Variants in HIVEP3 observed in about 807,000 individuals in gnomAD.
HIVEP3 encodes HIVEP zinc finger 3.
A neutral mutation model predicts 152.8 loss-of-function variants in HIVEP3; 49 were observed. The observed-to-expected ratio is 0.32, with a 90% CI of 0.26 to 0.41. HIVEP3 has a LOEUF of 0.41. Ranked by LOEUF, HIVEP3 falls within the 10% of genes least tolerant of loss-of-function variation. The pLI is 1.00. For synonymous variants in HIVEP3, 1,269 were observed against 1,289.0 expected, an observed-to-expected ratio of 0.98 and a Z score of 0.33; for missense variants, 2,790 against 3,103.3, an observed-to-expected ratio of 0.90 and a Z score of 2.40.
chr1:41,801,940 G>A (rs1025075595), intron 1 of HIVEP3, among the ~76,000 whole-genome samples: 1 of 152,126 alleles, frequency 6.6e-6, no homozygotes, highest in African/African-American at 2.4e-5. Context: ...GGAGTGGGGG[G>A]CAGGGGAGAG....
Position 41,583,358 on chromosome 1 carries a change from C to A in HIVEP3, c.1440G>T (p.Glu480Asp). The A allele has an allele frequency of 6.2e-7, 1 of 1,612,454 alleles. No homozygotes were observed. The highest frequency in any genetic ancestry group is 8.5e-7 in the Non-Finnish European group (1 of 1,179,056). ...TINEAVVDTS[E>D]IDSVKPRRSS... is the part of the protein sequence containing the mutation. ...TCCGCCTTGGCTTCACGCTGTCGAT[C>A]TCGCTGGTGTCCACCACGGCCTCGT... is the stretch of plus-strand genomic sequence containing the variant. Residue 480 changes from glutamate (E) to aspartate (D), a missense_variant, in exon 4 of 9, where the codon GAG (glutamate) becomes GAT (aspartate). Physicochemically the swap from Glu to Asp is conservative, Grantham distance 45. Around this residue, in one of 9 missense-constraint regions of HIVEP3, gnomAD observed 134 missense variants for 242.5 expected, o/e 0.55. Transcript: ENST00000372583. The surrounding 1 kb of genome is among the most constrained non-coding windows in gnomAD (Gnocchi z 6.9).
rs140724263 is a variant in HIVEP3, at chr1:41,670,069, C to T, written c.-721+30847G>A. On this transcript the variant is annotated intron_variant, in intron 2 of 8. Transcript: ENST00000372583. ...CTGGGAGGGCCTCTTTGCAGATGGG[C>T]AGAAGCCGTCAGTCCTCTGTGGACT... 1.5e-3 allele frequency among the ~76,000 whole-genome samples: 225 copies of T among 152,318 alleles called. 1 individual carries two copies. Among genetic ancestry groups the T allele is most frequent in the African/African-American group, 5.1e-3 (211 of 41,582 alleles).
At chr1:41,993,076 G>T (rs1351661492) in intron 1 of HIVEP3, among the ~76,000 whole-genome samples, 1 of 150,766 alleles carries the variant, frequency 6.6e-6, no homozygotes, top group East Asian at 1.9e-4. Context: ...TACCATTCAG[G>T]ACATAGGCAT....
At chr1:41,949,332 C>T (rs557503367) in intron 1 of HIVEP3, among the ~76,000 whole-genome samples, 1 of 152,298 alleles carries the variant, frequency 6.6e-6, no homozygotes, top group East Asian at 1.9e-4. Context: ...GGTATCACAA[C>T]CCCTACTCAG....
At chr1:41,850,905 T>C (rs879574778) in intron 1 of HIVEP3, among the ~76,000 whole-genome samples, 1 of 152,194 alleles carries the variant, frequency 6.6e-6, no homozygotes, top group Non-Finnish European at 1.5e-5. Flanking sequence ...CTTGGACCTG[T>C]GCTGGTCCCT....
intron 1 of HIVEP3, among the ~76,000 whole-genome samples, chr1:41,985,589 C>T (rs562107196): frequency 6.6e-6 from 1 of 152,344 alleles, no homozygotes; most frequent in South Asian, 2.1e-4. Context: ...AAAGGTCTTA[C>T]TTCCTAATAC....
intron 1 of HIVEP3, among the ~76,000 whole-genome samples, chr1:41,899,337 C>T (rs377069430): frequency 1.3e-5 from 2 of 152,240 alleles, no homozygotes; most frequent in Admixed American, 6.5e-5. Flanking sequence ...GAAAAATTAA[C>T]GTTTATACTC....
At chr1:41,727,233 T>C (rs939573778) in intron 1 of HIVEP3, among the ~76,000 whole-genome samples, 4 of 152,138 alleles carry the variant, frequency 2.6e-5, no homozygotes, top group Non-Finnish European at 4.4e-5. Flanking sequence ...TCCCATCTCA[T>C]AGATGAGAAA....
chr1:41,941,018 G>T (rs1031009787), intron 1 of HIVEP3, among the ~76,000 whole-genome samples: 1 of 152,174 alleles, frequency 6.6e-6, no homozygotes, highest in Non-Finnish European at 1.5e-5. Flanking sequence ...ATGGTCAAAT[G>T]TGTCAAATTT....
intron 1 of HIVEP3, among the ~76,000 whole-genome samples, chr1:42,016,889 T>C (rs1455203767): frequency 1.3e-5 from 2 of 152,208 alleles, no homozygotes; most frequent in African/African-American, 4.8e-5. Context: ...TATATTTATG[T>C]AGGCAAATAT....
chr1:41,988,600 TTC>T (rs1645337851), intron 1 of HIVEP3, among the ~76,000 whole-genome samples: 1 of 152,184 alleles, frequency 6.6e-6, no homozygotes, highest in African/African-American at 2.4e-5. Flanking sequence ...AAGGGAGTCT[TTC>T]TACACTACTG....
intron 2 of HIVEP3, among the ~76,000 whole-genome samples, chr1:41,629,885 C>T (rs1645169498): frequency 6.6e-6 from 1 of 152,190 alleles, no homozygotes; most frequent in African/African-American, 2.4e-5. Flanking sequence ...CAAAGAACTT[C>T]AAACAGAACG....
intron 1 of HIVEP3, among the ~76,000 whole-genome samples, chr1:41,886,531 G>A (rs1373860955): frequency 1.3e-5 from 2 of 151,940 alleles, no homozygotes; most frequent in Admixed American, 6.5e-5. Context: ...TGACCAACAT[G>A]GAGAAACCCT....
chr1:41,856,227 C>T (rs1643762070), intron 1 of HIVEP3, among the ~76,000 whole-genome samples: 2 of 152,188 alleles, frequency 1.3e-5, no homozygotes, highest in Non-Finnish European at 2.9e-5. Flanking sequence ...AAATAAAATG[C>T]ATCTGCAGCC....
At chr1:41,890,850 C>T (rs1196754731) in intron 1 of HIVEP3, among the ~76,000 whole-genome samples, 1 of 152,216 alleles carries the variant, frequency 6.6e-6, no homozygotes. Context: ...ATATAACCTG[C>T]ACATTGTCAA....
chr1:41,693,842 C>T (rs1286561797), intron 2 of HIVEP3, among the ~76,000 whole-genome samples: 2 of 152,176 alleles, frequency 1.3e-5, no homozygotes, highest in East Asian at 3.8e-4. Flanking sequence ...TGTATTCCCT[C>T]TCCTCCATAC....
chr1:41,707,637 T>C (rs1340182616), intron 1 of HIVEP3, among the ~76,000 whole-genome samples: 3 of 152,162 alleles, frequency 2.0e-5, no homozygotes, highest in Non-Finnish European at 2.9e-5. Flanking sequence ...TGGGTGTAGA[T>C]GGTACAGTGA....
chr1:41,795,911 C>T (rs1025474286), intron 1 of HIVEP3, among the ~76,000 whole-genome samples: 1 of 152,094 alleles, frequency 6.6e-6, no homozygotes, highest in Admixed American at 6.6e-5. Flanking sequence ...TTTCCCTGCC[C>T]AGGCCTGGAA....
chr1:41,569,865 G>A (rs926077267), intron 5 of HIVEP3, among the ~76,000 whole-genome samples: 3 of 152,170 alleles, frequency 2.0e-5, no homozygotes, highest in Admixed American at 6.5e-5. Flanking sequence ...AAGTACACTC[G>A]TTAAAAATGT....
Sources: gnomAD v4.1 joint callset for allele counts (sites outside exome capture counted in the v4.1 genomes callset) on GRCh38, gnomAD v4.1.1 for gene constraint, gnomAD v4.1.1 regional missense constraint, Gnocchi (gnomAD v3.1) non-coding constraint, MANE v1.5 for transcripts, NCBI Gene and HGNC (gene_info 2026-07-23, HGNC 2026-07-21) for gene names.